Variants in ANKFN1 observed in about 807,000 individuals in gnomAD.
ANKFN1 encodes the protein ankyrin repeat and fibronectin type-III domain-containing protein 1.
Under a neutral mutation model 108.7 loss-of-function variants are expected in ANKFN1, and 74 were observed. The ratio of observed to expected loss-of-function variants is 0.68; its 90% CI spans 0.56 to 0.83. ANKFN1 has a LOEUF of 0.83. Ranked by LOEUF, ANKFN1 falls within the 40% of genes least tolerant of loss-of-function variation. The pLI, the probability that ANKFN1 is intolerant of heterozygous loss-of-function variation, is 0.00. For missense variants in ANKFN1, 1,505 were observed against 1,382.3 expected, an observed-to-expected ratio of 1.09 and a Z score of -1.41; for synonymous variants, 547 against 516.2, an observed-to-expected ratio of 1.06 and a Z score of -0.81.
At position 56,221,483 on chromosome 17, in the gene ANKFN1, C is replaced by T. The variant is rs112825635; in HGVS notation, c.13-6434C>T. 8.8e-3 allele frequency among the ~76,000 whole-genome samples: 1,339 copies of T among 152,146 alleles called. 6 individuals carry two copies. The highest frequency in any genetic ancestry group is 0.02 in the South Asian group (95 of 4,824). On this transcript the variant is annotated intron_variant, in intron 2 of 20. Transcript: ENST00000682825. Reference sequence around the variant, plus strand: ...CATTAGAATCAAACAGAGCCTTATACGATGTACAAGAAATTAATACTTTTT... The same window carrying T: ...CATTAGAATCAAACAGAGCCTTATATGATGTACAAGAAATTAATACTTTTT...
intron 8 of ANKFN1, among the ~76,000 whole-genome samples, chr17:56,412,954 C>CT (rs1294663856): frequency 6.6e-6 from 1 of 152,034 alleles, no homozygotes; most frequent in African/African-American, 2.4e-5. Flanking sequence ...TTTTGCTTAT[C>CT]TTTTTTAAAA....
chr17:56,473,989 A>G (rs2050415094), intron 15 of ANKFN1, among the ~76,000 whole-genome samples: 1 of 152,190 alleles, frequency 6.6e-6, no homozygotes, highest in African/African-American at 2.4e-5. Context: ...GTAGGTCTTT[A>G]TAAGCACATT....
chr17:56,122,515 T>C (rs1467174683), intron 4 of ANKFN1, among the ~76,000 whole-genome samples: 1 of 152,202 alleles, frequency 6.6e-6, no homozygotes, highest in Non-Finnish European at 1.5e-5. Context: ...AATAAGCATG[T>C]GATATATGAA....
At chr17:56,464,819 G>T (rs1343351031) in intron 14 of ANKFN1, among the ~76,000 whole-genome samples, 1 of 152,192 alleles carries the variant, frequency 6.6e-6, no homozygotes, top group African/African-American at 2.4e-5. Context: ...TTTAGATGAT[G>T]ATACTCAGGA....
chr17:56,274,386 T>C (rs958963447), intron 3 of ANKFN1, among the ~76,000 whole-genome samples: 73 of 152,186 alleles, frequency 4.8e-4, no homozygotes, highest in Non-Finnish European at 8.7e-4. Flanking sequence ...GGCAGGAGAA[T>C]GGCGTGAACC....
chr17:56,480,589 G>C (rs890778438), intron 16 of ANKFN1, 79 bp from the exon 17 acceptor site: 1 of 1,463,764 alleles, frequency 6.8e-7, no homozygotes, highest in Non-Finnish European at 9.4e-7. Flanking sequence ...CCAGGTTCTG[G>C]ACACATACAC....
chr17:56,059,824 T>C (rs1258224725), intron 4 of ANKFN1, among the ~76,000 whole-genome samples: 1 of 152,236 alleles, frequency 6.6e-6, no homozygotes, highest in Non-Finnish European at 1.5e-5. Flanking sequence ...CTGTTTTGCT[T>C]ACTGTAGCCT....
chr17:56,116,597 CCT>C (rs1906292895), intron 4 of ANKFN1, among the ~76,000 whole-genome samples: 1 of 152,102 alleles, frequency 6.6e-6, no homozygotes, highest in Non-Finnish European at 1.5e-5. Flanking sequence ...TCTTTTGCCT[CCT>C]CTCTCATCGG....
intron 1 of ANKFN1, among the ~76,000 whole-genome samples, chr17:56,167,008 G>A (rs1305525677): frequency 6.6e-6 from 1 of 151,868 alleles, no homozygotes; most frequent in Non-Finnish European, 1.5e-5. Context: ...CCCTAGTGCT[G>A]TGCCTGGCCT....
At chr17:56,289,873 C>G (rs1160813473) in intron 3 of ANKFN1, among the ~76,000 whole-genome samples, 1 of 152,112 alleles carries the variant, frequency 6.6e-6, no homozygotes, top group Non-Finnish European at 1.5e-5. Context: ...CTGAACAGCA[C>G]TTTGTGTTTT....
At chr17:56,113,348 C>T (rs1906081476) in intron 4 of ANKFN1, among the ~76,000 whole-genome samples, 2 of 152,060 alleles carry the variant, frequency 1.3e-5, no homozygotes, top group East Asian at 1.9e-4. Flanking sequence ...AAAATGAGAC[C>T]GTTTAAGCTC....
chr17:56,238,815 C>T (rs183210133), intron 3 of ANKFN1, among the ~76,000 whole-genome samples: 154 of 152,272 alleles, frequency 1.0e-3, no homozygotes, highest in African/African-American at 3.6e-3. Context: ...TCTTGAAAAT[C>T]TGACAATTGC....
At chr17:56,454,157 A>C (rs1471747730) in intron 11 of ANKFN1, among the ~76,000 whole-genome samples, 1 of 151,550 alleles carries the variant, frequency 6.6e-6, no homozygotes, top group Non-Finnish European at 1.5e-5. Context: ...CTTCAATTTT[A>C]TTTTCTTTTT....
chr17:56,064,258 A>G (rs1336710466), intron 4 of ANKFN1, among the ~76,000 whole-genome samples: 1 of 152,144 alleles, frequency 6.6e-6, no homozygotes, highest in East Asian at 1.9e-4. Flanking sequence ...TTGTCCCTTG[A>G]TGGAAGGGGT....
intron 8 of ANKFN1, among the ~76,000 whole-genome samples, chr17:56,397,218 A>G (rs2159968): frequency 0.76 from 114,874 of 152,002 alleles, 43,613 homozygotes; most frequent in East Asian, 0.96. Flanking sequence ...GATGTTAAAC[A>G]GGAACACATC....
intron 2 of ANKFN1, among the ~76,000 whole-genome samples, chr17:56,219,401 C>T (rs1915682502): frequency 6.6e-6 from 1 of 152,058 alleles, no homozygotes; most frequent in Non-Finnish European, 1.5e-5. Context: ...TGTGCACCAC[C>T]ATGCCTGGCT....
At chr17:56,344,923 ATGTGCAAGTT>A (rs1347880486) in intron 4 of ANKFN1, among the ~76,000 whole-genome samples, 2 of 152,018 alleles carry the variant, frequency 1.3e-5, no homozygotes, top group African/African-American at 4.8e-5. Context: ...CATGTGCAGA[ATGTGCAAGTT>A]TGTTACATAG....
rs1259798951 is a variant in ANKFN1, at chr17:56,510,819, G to A, written c.2991G>A (p.Leu997=). The change falls in exon 21 of 21, where the codon CTG becomes CTA. Residue 997 remains leucine, a synonymous_variant. Transcript: ENST00000682825. ...VSGGRPPLGF[L]GKRKPGKHPH... ...GTGGGCGGCCCCCGCTAGGCTTCCT[G>A]GGAAAGCGGAAGCCAGGCAAGCACC... 1 of 1,536,188 alleles carries A rather than the reference G, an allele frequency of 6.5e-7. No homozygotes were observed. The highest frequency in any genetic ancestry group is 8.7e-7 in the Non-Finnish European group (1 of 1,146,922).
At chr17:56,168,620 A>G (rs1233571075) in intron 1 of ANKFN1, among the ~76,000 whole-genome samples, 1 of 152,228 alleles carries the variant, frequency 6.6e-6, no homozygotes, top group Non-Finnish European at 1.5e-5. Context: ...CATATCTAGA[A>G]TATCGATAGA....
Sources: gnomAD v4.1 joint callset for allele counts (sites outside exome capture counted in the v4.1 genomes callset) on GRCh38, gnomAD v4.1.1 for gene constraint, MANE v1.5 for transcripts, NCBI Gene and HGNC (gene_info 2026-07-23, HGNC 2026-07-21) for gene names.